The following USP37 variants were observed in gnomAD, a reference collection of about 807,000 sequenced individuals.
The protein encoded by USP37 is ubiquitin carboxyl-terminal hydrolase 37.
Under a neutral mutation model 124.0 loss-of-function variants are expected in USP37, and 27 were observed. That is an observed-to-expected ratio of 0.22 (90% CI 0.16 to 0.30). USP37 has a LOEUF of 0.30. Among genes scored for constraint, USP37 ranks in the 10% least tolerant of loss-of-function variants. The probability of loss-of-function intolerance (pLI) is 1.00; values close to 1 mark genes in which losing one functional copy is unlikely to be tolerated. For missense variants in USP37, 889 were observed against 1,140.4 expected (o/e 0.78, Z 3.17); for synonymous variants, 365 against 388.0 (o/e 0.94, Z 0.70).
At chr2:218,483,197 C>A (rs995267036) in intron 16 of USP37, among the ~76,000 whole-genome samples, 1 of 152,018 alleles carries the variant, frequency 6.6e-6, no homozygotes, top group African/African-American at 2.4e-5. Flanking sequence ...AATATTTTAA[C>A]TAGAATTTCA....
chr2:218,491,271 A>T (rs1321813144), intron 14 of USP37, among the ~76,000 whole-genome samples: 1 of 152,202 alleles, frequency 6.6e-6, no homozygotes, highest in African/African-American at 2.4e-5. Context: ...AGCAAACAGC[A>T]CTGTTGTGAA....
intron 5 of USP37, among the ~76,000 whole-genome samples, chr2:218,553,087 C>T (rs1692756250): frequency 6.6e-6 from 1 of 152,158 alleles, no homozygotes; most frequent in African/African-American, 2.4e-5. Flanking sequence ...CTTTTCTTGC[C>T]TAATGGCTCT....
At chr2:218,479,520 G>A in intron 18 of USP37, 130 bp downstream of exon 18, 3 of 732,244 alleles carry the variant, frequency 4.1e-6, no homozygotes. Flanking sequence ...AGTTTCAAAA[G>A]TATAGGTAAT....
intron 22 of USP37, among the ~76,000 whole-genome samples, chr2:218,462,580 G>A (rs1336353832): frequency 6.6e-6 from 1 of 152,044 alleles, no homozygotes; most frequent in Non-Finnish European, 1.5e-5. Context: ...GACTGCCCCA[G>A]AATAAGCTCT....
intron 14 of USP37, among the ~76,000 whole-genome samples, chr2:218,491,350 C>T (rs148391662): frequency 6.6e-6 from 1 of 152,294 alleles, no homozygotes; most frequent in Non-Finnish European, 1.5e-5. Flanking sequence ...TTCCAGTGGA[C>T]AGCTAGCAAG....
rs142481616 is a variant in USP37, at chr2:218,472,604, T to C, written c.2299+2026A>G. The stretch of plus-strand genomic sequence containing the variant: ...GCCTCAGCCTCCCAAGTAGCTGGGA[T>C]TACAGACATGCAACATCACACCCGG... On this transcript the variant is annotated intron_variant, in intron 20 of 25. Transcript: ENST00000258399. 5.2e-3 allele frequency among the ~76,000 whole-genome samples: 789 copies of C among 152,040 alleles called. 5 individuals carry two copies. Among genetic ancestry groups the C allele is most frequent in the Non-Finnish European group, 7.6e-3 (518 of 67,974 alleles).
At chr2:218,498,520 T>TCAGG in intron 11 of USP37, 1 of 155,618 alleles carries the variant, frequency 6.4e-6, no homozygotes, top group Non-Finnish European at 1.4e-5. Context: ...TTGAGGTCAG[T>TCAGG]AGTTTGAGAC....
intron 8 of USP37, among the ~76,000 whole-genome samples, chr2:218,543,957 T>A (rs571225016): frequency 6.6e-6 from 1 of 152,308 alleles, no homozygotes; most frequent in South Asian, 2.1e-4. Context: ...AAGAGTTAAC[T>A]AGAGAGTCAG....
chr2:218,490,915 C>T (rs910537789), intron 14 of USP37, among the ~76,000 whole-genome samples: 1 of 152,160 alleles, frequency 6.6e-6, no homozygotes, highest in Non-Finnish European at 1.5e-5. Context: ...GCTCTGTTGT[C>T]CAGGCTGGAG....
intron 5 of USP37, among the ~76,000 whole-genome samples, chr2:218,553,091 T>C (rs1692756464): frequency 6.6e-6 from 1 of 152,246 alleles, no homozygotes; most frequent in African/African-American, 2.4e-5. Flanking sequence ...TCTTGCCTAA[T>C]GGCTCTGGCT....
At chr2:218,485,133 C>T (rs1329795390) in intron 16 of USP37, among the ~76,000 whole-genome samples, 3 of 152,144 alleles carry the variant, frequency 2.0e-5, no homozygotes, top group Non-Finnish European at 4.4e-5. Context: ...AAAAAGACTA[C>T]AGCACAACAC....
Position 218,568,325 on chromosome 2 carries a change from T to C in USP37, c.-377A>G, listed in dbSNP as rs1216125162. ...ACCCCTAGTCAGGGAGAGCGGCTGA[T>C]GGCGGGAACTGTGACCACACGCAAA... On this transcript the variant is annotated 5_prime_UTR_variant, in exon 1 of 26. Coordinates refer to ENST00000258399, the MANE Select transcript of USP37 (RefSeq NM_020935.3). 2 of 152,588 alleles carry C rather than the reference T, an allele frequency of 1.3e-5. No homozygotes were observed. The highest frequency in any genetic ancestry group is 4.8e-5 in the African/African-American group (2 of 41,414). The allele number at this position is 152,588 out of a possible 1,614,324, so 9.5% of individuals were successfully genotyped here. A position where few individuals can be genotyped will look rare whatever the true frequency, so the allele number is the denominator to read the frequency against.
At position 218,546,910 on chromosome 2, in the gene USP37, C is replaced by G. The variant is rs757182693; in HGVS notation, c.602+9G>C. Reference sequence around the variant, plus strand: ...TACAGCTAGTGACTAAGAAAAAAGTCTCTCCTACCGATTTTCTAGCAACCC... The same window carrying G: ...TACAGCTAGTGACTAAGAAAAAAGTGTCTCCTACCGATTTTCTAGCAACCC... On this transcript the variant is annotated intron_variant, in intron 7 of 25. Transcript: ENST00000258399. 5 of 1,602,838 alleles carry G rather than the reference C, an allele frequency of 3.1e-6. No individual in the cohort carries two copies. Among genetic ancestry groups the G allele is most frequent in the Non-Finnish European group, 4.2e-6 (5 of 1,177,420 alleles).
intron 8 of USP37, among the ~76,000 whole-genome samples, chr2:218,543,501 C>CAAAAA (rs35321679): frequency 2.7e-5 from 1 of 36,932 alleles, no homozygotes; most frequent in African/African-American, 1.2e-4. Context: ...GACTCCGTCT[C>CAAAAA]AAAAAAAAAA....
At chr2:218,474,996 C>T in intron 19 of USP37, 111 bp from the exon 20 acceptor site, 1 of 1,153,756 alleles carries the variant, frequency 8.7e-7, no homozygotes, top group Non-Finnish European at 1.2e-6. Context: ...TTCTTTGATG[C>T]TTTGGGTTAT....
At chr2:218,549,513 G>A (rs1392736610) in intron 6 of USP37, among the ~76,000 whole-genome samples, 2 of 148,350 alleles carry the variant, frequency 1.3e-5, no homozygotes, top group Non-Finnish European at 3.0e-5. Context: ...TGCCCTGGCT[G>A]GAGTGCAATG....
intron 8 of USP37, among the ~76,000 whole-genome samples, chr2:218,542,594 A>G (rs1692046001): frequency 6.6e-6 from 1 of 152,196 alleles, no homozygotes; most frequent in South Asian, 2.1e-4. Flanking sequence ...TGGTTTTTCT[A>G]TACAGGGTTT....
At chr2:218,535,973 C>T (rs1199506688) in intron 8 of USP37, among the ~76,000 whole-genome samples, 3 of 131,372 alleles carry the variant, frequency 2.3e-5, no homozygotes, top group East Asian at 5.1e-4. Flanking sequence ...CCAGGGATCA[C>T]GCCATTGCAC....
At chr2:218,543,256 C>T (rs766365589) in intron 8 of USP37, among the ~76,000 whole-genome samples, 4 of 151,872 alleles carry the variant, frequency 2.6e-5, no homozygotes, top group Non-Finnish European at 4.4e-5. Context: ...AATCCCAGCA[C>T]CTTGCGAGGC....
Sources: gnomAD v4.1 joint callset for allele counts (sites outside exome capture counted in the v4.1 genomes callset) on GRCh38, gnomAD v4.1.1 for gene constraint, MANE v1.5 for transcripts, NCBI Gene and HGNC (gene_info 2026-07-23, HGNC 2026-07-21) for gene names.